The following TMEM178B variants were observed in gnomAD, a reference collection of about 807,000 sequenced individuals.
TMEM178B encodes transmembrane protein 178B.
In TMEM178B, 5 loss-of-function variants were observed where a neutral mutation model predicts 31.0. The observed-to-expected ratio is 0.16, with a 90% CI of 0.08 to 0.34. TMEM178B has a LOEUF of 0.34. Among genes scored for constraint, TMEM178B ranks in the 10% least tolerant of loss-of-function variants. The probability of loss-of-function intolerance (pLI) is 1.00; values close to 1 mark genes in which losing one functional copy is unlikely to be tolerated. For synonymous variants in TMEM178B, 164 were observed against 164.0 expected, an observed-to-expected ratio of 1.00 and a Z score of 0.00; for missense variants, 275 against 400.3, an observed-to-expected ratio of 0.69 and a Z score of 2.67.
chr7:141,166,301 G>A (rs1322561793), intron 1 of TMEM178B, among the ~76,000 whole-genome samples: 1 of 152,214 alleles, frequency 6.6e-6, no homozygotes, highest in African/African-American at 2.4e-5. Context: ...AGGTCATCAG[G>A]AAGTAAGGGT....
At chr7:141,423,068 C>G (rs1358177626) in intron 2 of TMEM178B, among the ~76,000 whole-genome samples, 1 of 152,150 alleles carries the variant, frequency 6.6e-6, no homozygotes, top group Non-Finnish European at 1.5e-5. Flanking sequence ...GCAATGGAGT[C>G]TTGCTCTGTC....
intron 3 of TMEM178B, among the ~76,000 whole-genome samples, chr7:141,449,075 C>G (rs1406832099): frequency 6.6e-6 from 1 of 152,146 alleles, no homozygotes; most frequent in Non-Finnish European, 1.5e-5. Flanking sequence ...TGCTGGATTG[C>G]TATGGAAACT....
chr7:141,130,744 A>G (rs947282740), intron 1 of TMEM178B, among the ~76,000 whole-genome samples: 1 of 152,190 alleles, frequency 6.6e-6, no homozygotes, highest in Non-Finnish European at 1.5e-5. Context: ...AGACTTATTG[A>G]AAGCTTACTA....
intron 2 of TMEM178B, among the ~76,000 whole-genome samples, chr7:141,350,950 A>G (rs1002051785): frequency 2.0e-5 from 3 of 152,206 alleles, no homozygotes; most frequent in Non-Finnish European, 2.9e-5. Flanking sequence ...GTGAAACTGT[A>G]CCTGGGGCCC....
At chr7:141,245,574 T>G (rs998911435) in intron 2 of TMEM178B, among the ~76,000 whole-genome samples, 1 of 152,224 alleles carries the variant, frequency 6.6e-6, no homozygotes, top group African/African-American at 2.4e-5. Flanking sequence ...TAGAACTGTT[T>G]TCCTTCTCTT....
rs114547368 is a variant in TMEM178B at position 141,322,914 on chromosome 7, C to T, written c.496+110210C>T. 3.9e-3 allele frequency among the ~76,000 whole-genome samples: 601 copies of T among 152,250 alleles called. 2 individuals carry two copies. Among genetic ancestry groups the T allele is most frequent in the African/African-American group, 0.014 (574 of 41,552 alleles). Reference sequence around the variant, plus strand: ...GGTTCAAGAAACATTAATTAGTGAGCTAGACTTCTGGCTATTAACGTGCTT... The same window carrying T: ...GGTTCAAGAAACATTAATTAGTGAGTTAGACTTCTGGCTATTAACGTGCTT... On this transcript the variant is annotated intron_variant, in intron 2 of 3. Transcript: ENST00000565468.
intron 2 of TMEM178B, among the ~76,000 whole-genome samples, chr7:141,265,594 C>A (rs1024675675): frequency 5.3e-5 from 8 of 151,902 alleles, no homozygotes; most frequent in African/African-American, 1.9e-4. Flanking sequence ...TACGTGGCAC[C>A]CTGGAGAAGG....
intron 2 of TMEM178B, among the ~76,000 whole-genome samples, chr7:141,298,250 G>C (rs1798668614): frequency 6.6e-6 from 1 of 152,158 alleles, no homozygotes; most frequent in Non-Finnish European, 1.5e-5. Context: ...GTAGATTGTG[G>C]ATATTAGTCC....
chr7:141,459,203 A>G (rs932547567), intron 3 of TMEM178B, among the ~76,000 whole-genome samples: 2 of 151,950 alleles, frequency 1.3e-5, no homozygotes, highest in African/African-American at 4.8e-5. Flanking sequence ...CTAATTTTGT[A>G]TTTTTAGTAG....
At chr7:141,317,253 T>C (rs898330781) in intron 2 of TMEM178B, among the ~76,000 whole-genome samples, 1 of 152,098 alleles carries the variant, frequency 6.6e-6, no homozygotes, top group Non-Finnish European at 1.5e-5. Flanking sequence ...GAGATGCCTA[T>C]AGGGAGGGGA....
At chr7:141,313,613 T>G (rs908562483) in intron 2 of TMEM178B, among the ~76,000 whole-genome samples, 5 of 152,176 alleles carry the variant, frequency 3.3e-5, no homozygotes, top group African/African-American at 1.2e-4. Context: ...AAAGGAGGCT[T>G]GGACTCCAAA....
At chr7:141,168,395 G>A (rs1180056632) in intron 1 of TMEM178B, among the ~76,000 whole-genome samples, 1 of 152,158 alleles carries the variant, frequency 6.6e-6, no homozygotes, top group Non-Finnish European at 1.5e-5. Flanking sequence ...TGTGCACTTG[G>A]CATTGGGGAT....
intron 1 of TMEM178B, among the ~76,000 whole-genome samples, chr7:141,169,096 G>A (rs958094331): frequency 6.6e-6 from 1 of 152,084 alleles, no homozygotes; most frequent in Non-Finnish European, 1.5e-5. Flanking sequence ...TTGTTATATA[G>A]GTAAACTTGT....
chr7:141,461,096 G>T lies in TMEM178B; in HGVS notation c.635-9440G>T, dbSNP rs186332383. On this transcript the variant is annotated intron_variant, in intron 3 of 3. Transcript: ENST00000565468. This position sits in a 1 kb window ranked among gnomAD's most constrained non-coding sequence, Gnocchi z 4.0. The stretch of plus-strand genomic sequence containing the variant: ...TTTGTATCATCTACTTCCCAGGACG[G>T]ATGTGCCACTGTTGAAGGAGGAGGC... Among the ~76,000 whole-genome samples the T allele has an allele frequency of 5.4e-3, 815 of 152,302 alleles. 1 individual carries two copies. The highest frequency in any genetic ancestry group is 9.0e-3 in the Non-Finnish European group (610 of 68,028).
chr7:141,373,329 A>G (rs1415796593), intron 2 of TMEM178B, among the ~76,000 whole-genome samples: 1 of 152,168 alleles, frequency 6.6e-6, no homozygotes, highest in Non-Finnish European at 1.5e-5. Context: ...AATAAACAAC[A>G]ACAACAGCAA....
At chr7:141,147,927 A>G (rs1586795659) in intron 1 of TMEM178B, among the ~76,000 whole-genome samples, 1 of 152,188 alleles carries the variant, frequency 6.6e-6, no homozygotes, top group East Asian at 1.9e-4. Flanking sequence ...TACAGGGGAG[A>G]AGAAGAGAAC....
intron 3 of TMEM178B, among the ~76,000 whole-genome samples, chr7:141,464,106 A>G (rs566953662): frequency 1.3e-5 from 2 of 152,224 alleles, no homozygotes; most frequent in South Asian, 4.2e-4. Context: ...AGGCATAGTA[A>G]GTGTTGTCTG....
the TMEM178B span, among the ~76,000 whole-genome samples, chr7:141,495,308 C>T: frequency 6.6e-6 from 1 of 152,218 alleles, no homozygotes; most frequent in African/African-American, 2.4e-5. Context: ...CAGATGTCCC[C>T]TCTGAGGAAA....
At chr7:141,348,545 A>G (rs945011230) in intron 2 of TMEM178B, among the ~76,000 whole-genome samples, 1 of 152,228 alleles carries the variant, frequency 6.6e-6, no homozygotes, top group African/African-American at 2.4e-5. Context: ...GTCTGAAATT[A>G]GTTAATCTAA....
Sources: gnomAD v4.1 joint callset for allele counts (sites outside exome capture counted in the v4.1 genomes callset) on GRCh38, gnomAD v4.1.1 for gene constraint, Gnocchi (gnomAD v3.1) non-coding constraint, MANE v1.5 for transcripts, NCBI Gene and HGNC (gene_info 2026-07-23, HGNC 2026-07-21) for gene names.